Variants in NREP observed in about 807,000 individuals in gnomAD.
NREP encodes the protein neuronal regeneration-related protein.
NREP carries 5 observed loss-of-function variants against 8.6 expected under a neutral mutation model. The ratio of observed to expected loss-of-function variants is 0.58; its 90% CI spans 0.30 to 1.22. The LOEUF is 1.22. NREP is among the 50% of genes most tolerant of loss of function. NREP has a pLI of 0.07. For missense variants in NREP, 86 were observed against 82.5 expected (o/e 1.04, Z -0.17); for synonymous variants, 27 against 28.0 (o/e 0.96, Z 0.11).
At chr5:111,812,874 G>C (rs1752300894) in intron 2 of NREP, among the ~76,000 whole-genome samples, 1 of 152,130 alleles carries the variant, frequency 6.6e-6, no homozygotes, top group Admixed American at 6.5e-5. Flanking sequence ...GATTTCCTAA[G>C]AGTTGTGTAT....
intron 2 of NREP, among the ~76,000 whole-genome samples, chr5:111,882,626 G>T (rs1474902280): frequency 1.3e-5 from 2 of 152,220 alleles, no homozygotes; most frequent in Admixed American, 1.3e-4. Flanking sequence ...ACTAACAGCT[G>T]ATCTCTCGGC....
chr5:111,908,536 T>C (rs1051378669), intron 2 of NREP, among the ~76,000 whole-genome samples: 4 of 152,070 alleles, frequency 2.6e-5, no homozygotes, highest in Non-Finnish European at 4.4e-5. Context: ...TGGTATTTGG[T>C]TTTCTGTTCC....
chr5:111,938,170 C>G (rs1755734021), intron 2 of NREP, among the ~76,000 whole-genome samples: 1 of 152,036 alleles, frequency 6.6e-6, no homozygotes, highest in Non-Finnish European at 1.5e-5. Flanking sequence ...CATGCTCACC[C>G]AGGGCACTGG....
chr5:111,896,172 A>C (rs1754507321), intron 2 of NREP, among the ~76,000 whole-genome samples: 2 of 152,166 alleles, frequency 1.3e-5, no homozygotes, highest in East Asian at 3.9e-4. Flanking sequence ...GTAGGAGGCT[A>C]TTGAAATCTA....
intron 2 of NREP, among the ~76,000 whole-genome samples, chr5:111,955,848 C>T (rs1292057330): frequency 7.0e-6 from 1 of 142,320 alleles, no homozygotes; most frequent in African/African-American, 2.6e-5. Flanking sequence ...TTTGGAGTTT[C>T]AACACTAACA....
At chr5:111,940,108 T>G (rs935893306) in intron 2 of NREP, 20 of 152,028 alleles carry the variant, frequency 1.3e-4, no homozygotes, top group Non-Finnish European at 5.9e-5. Flanking sequence ...AAATTACCAC[T>G]GCTAGCCACT....
At chr5:111,892,196 C>T (rs1446776853) in intron 2 of NREP, among the ~76,000 whole-genome samples, 1 of 152,032 alleles carries the variant, frequency 6.6e-6, no homozygotes, top group East Asian at 1.9e-4. Flanking sequence ...GAATACATTA[C>T]TATGGGTACC....
chr5:111,778,114 C>G (rs1751407211), intron 2 of NREP, among the ~76,000 whole-genome samples: 2 of 152,172 alleles, frequency 1.3e-5, no homozygotes, highest in African/African-American at 4.8e-5. Flanking sequence ...TGCATACACA[C>G]AGGCACACAT....
chr5:111,894,200 C>T (rs1754456494), intron 2 of NREP, among the ~76,000 whole-genome samples: 1 of 151,928 alleles, frequency 6.6e-6, no homozygotes, highest in Non-Finnish European at 1.5e-5. Flanking sequence ...GCCTGGGAGA[C>T]AGAGCAAAAC....
intron 2 of NREP, among the ~76,000 whole-genome samples, chr5:111,785,054 T>C (rs1751577422): frequency 6.6e-6 from 1 of 152,122 alleles, no homozygotes; most frequent in African/African-American, 2.4e-5. Context: ...ACATTAAAGA[T>C]GTGTATGAAC....
At chr5:111,870,462 G>A (rs1753764288) in intron 2 of NREP, among the ~76,000 whole-genome samples, 1 of 152,074 alleles carries the variant, frequency 6.6e-6, no homozygotes, top group Non-Finnish European at 1.5e-5. Flanking sequence ...CACATCAAAT[G>A]AATTTTCTTG....
intron 2 of NREP, among the ~76,000 whole-genome samples, chr5:111,824,267 G>A (rs1752572591): frequency 6.6e-6 from 1 of 152,208 alleles, no homozygotes. Context: ...TACTCGGGAG[G>A]CTGAGGCAGG....
At position 111,885,843 on chromosome 5, in the gene NREP, A is replaced by T. The variant is rs191487082; in HGVS notation, c.135+89431T>A. Among the ~76,000 whole-genome samples the T allele has an allele frequency of 6.5e-4, 99 of 152,302 alleles. 1 individual carries two copies. Among genetic ancestry groups the T allele is most frequent in the African/African-American group, 2.3e-3 (94 of 41,546 alleles). On this transcript the variant is annotated intron_variant, in intron 2 of 3. Transcript: ENST00000395634. ...AATTCAAGATGAATTAAAGACTTAA[A>T]CTTTAGACCTAAAACCATAAAAACC...
intron 2 of NREP, among the ~76,000 whole-genome samples, chr5:111,837,005 C>A (rs1287073778): frequency 6.6e-6 from 1 of 151,976 alleles, no homozygotes; most frequent in African/African-American, 2.4e-5. Flanking sequence ...GAATTTAATT[C>A]CAATTAAGCC....
intron 2 of NREP, among the ~76,000 whole-genome samples, chr5:111,736,328 T>C (rs1749111003): frequency 1.3e-5 from 2 of 152,186 alleles, no homozygotes; most frequent in South Asian, 2.1e-4. Flanking sequence ...TTAAAAAATT[T>C]AGAAACAGAA....
At chr5:111,945,972 C>T (rs1252395504) in intron 2 of NREP, among the ~76,000 whole-genome samples, 1 of 151,820 alleles carries the variant, frequency 6.6e-6, no homozygotes, top group Non-Finnish European at 1.5e-5. Context: ...AGTAAGCAGA[C>T]CCAGGACACA....
At chr5:111,775,079 T>C (rs1259857343) in intron 2 of NREP, among the ~76,000 whole-genome samples, 1 of 152,158 alleles carries the variant, frequency 6.6e-6, no homozygotes. Flanking sequence ...CTTTAAGAGA[T>C]GGCGTTTTGC....
chr5:111,782,535 T>A (rs1443740315), intron 2 of NREP, among the ~76,000 whole-genome samples: 1 of 152,182 alleles, frequency 6.6e-6, no homozygotes, highest in Non-Finnish European at 1.5e-5. Context: ...TCATTTATAC[T>A]TAACTATAGG....
At chr5:111,907,550 T>C (rs759169028) in intron 2 of NREP, among the ~76,000 whole-genome samples, 42 of 152,118 alleles carry the variant, frequency 2.8e-4, no homozygotes, top group Non-Finnish European at 5.0e-4. Context: ...CGTCTATTCC[T>C]TTGCCAATAC....
Sources: allele counts gnomAD v4.1 joint callset (sites outside exome capture counted in the v4.1 genomes callset), GRCh38; gene constraint gnomAD v4.1.1; transcripts MANE v1.5; gene names NCBI Gene and HGNC (gene_info 2026-07-23, HGNC 2026-07-21).